Variants in LGR6 observed in about 807,000 individuals in gnomAD.
LGR6 encodes the protein leucine rich repeat containing G protein-coupled receptor 6, also known as leucine-rich repeat-containing G protein-coupled receptor 6.
A neutral mutation model predicts 69.4 loss-of-function variants in LGR6; 45 were observed. That is an observed-to-expected ratio of 0.65 (90% CI 0.51 to 0.83). The LOEUF is 0.83. Among genes scored for constraint, LGR6 ranks in the 40% least tolerant of loss-of-function variants. The probability of loss-of-function intolerance (pLI) is 0.00; values close to 1 mark genes in which losing one functional copy is unlikely to be tolerated. For synonymous variants in LGR6, 538 were observed against 555.0 expected, an observed-to-expected ratio of 0.97 and a Z score of 0.43; for missense variants, 1,108 against 1,246.7, an observed-to-expected ratio of 0.89 and a Z score of 1.68.
chr1:202,204,319 ACCT>A (rs199736739), intron 1 of LGR6, among the ~76,000 whole-genome samples: 27,124 of 103,144 alleles, frequency 0.26, 3,608 homozygotes, highest in East Asian at 0.36. Context: ...CCCAACACAC[ACCT>A]CCTCCTAACA....
chr1:202,238,106 T>G (rs1390530082), intron 4 of LGR6, among the ~76,000 whole-genome samples: 1 of 152,152 alleles, frequency 6.6e-6, no homozygotes, highest in Non-Finnish European at 1.5e-5. Flanking sequence ...GTTTTTGTTT[T>G]TGTTTTTTGA....
At chr1:202,273,194 T>C (rs1004957240) in intron 4 of LGR6, among the ~76,000 whole-genome samples, 9 of 152,196 alleles carry the variant, frequency 5.9e-5, no homozygotes, top group African/African-American at 2.2e-4. Context: ...TGGTATTGTA[T>C]ACCTGGCATA....
Position 202,268,637 on chromosome 1 carries a change from C to G in LGR6, c.429-7669C>G, listed in dbSNP as rs1664864185. Among the ~76,000 whole-genome samples, 1 of 152,132 alleles carries G rather than the reference C, an allele frequency of 6.6e-6. No individual in the cohort carries two copies. Among genetic ancestry groups the G allele is most frequent in the Admixed American group, 6.5e-5 (1 of 15,270 alleles). ...GGGGGGTTCAGAGATGAAAACCAGC[C>G]CTGGGGTCGGCCAGGAGCAAACAAT... On this transcript the variant is annotated intron_variant, in intron 4 of 17. Coordinates refer to ENST00000367278, the MANE Select transcript of LGR6 (RefSeq NM_001017403.2). The surrounding 1 kb of genome is among the most constrained non-coding windows in gnomAD (Gnocchi z 4.4).
At chr1:202,288,401 T>A (rs998787718) in intron 6 of LGR6, among the ~76,000 whole-genome samples, 12 of 152,230 alleles carry the variant, frequency 7.9e-5, no homozygotes, top group Non-Finnish European at 1.8e-4. Context: ...TTCACTTTTG[T>A]CTTTGCAGCA....
At chr1:202,282,587 G>T (rs1409196662) in intron 6 of LGR6, among the ~76,000 whole-genome samples, 1 of 152,214 alleles carries the variant, frequency 6.6e-6, no homozygotes, top group Non-Finnish European at 1.5e-5. Flanking sequence ...AGTTGCCATG[G>T]ATGAGCAGGG....
chr1:202,207,143 C>G (rs1195783545), intron 1 of LGR6, among the ~76,000 whole-genome samples: 1 of 152,296 alleles, frequency 6.6e-6, no homozygotes, highest in South Asian at 2.1e-4. Context: ...TCTCGAACTC[C>G]TGACCTCAGG....
Position 202,300,535 on chromosome 1 carries a change from G to A in LGR6, c.786-314G>A, listed in dbSNP as rs559972580. 1.2e-4 allele frequency among the ~76,000 whole-genome samples: 19 copies of A among 152,096 alleles called. No homozygotes were observed. The South Asian group carries it at 2.5e-3, about 20-fold the overall frequency. On this transcript the variant is annotated intron_variant, in intron 7 of 17. Coordinates refer to ENST00000367278, the MANE Select transcript of LGR6 (RefSeq NM_001017403.2). ...CGAGGTGCAGTGGCACATGCCTGTA[G>A]TCCCAGCTATGTAGGAGGCTGAGGC...
intron 4 of LGR6, among the ~76,000 whole-genome samples, chr1:202,238,845 C>A (rs1289585006): frequency 1.3e-5 from 2 of 151,980 alleles, no homozygotes; most frequent in African/African-American, 4.8e-5. Context: ...GAACAGCACA[C>A]GCTGCAAAGG....
At chr1:202,237,183 G>GC (rs923757526) in intron 4 of LGR6, among the ~76,000 whole-genome samples, 7 of 152,114 alleles carry the variant, frequency 4.6e-5, no homozygotes, top group East Asian at 1.9e-4. Flanking sequence ...CTCAGCTTCT[G>GC]CCCCCCCTTC....
chr1:202,193,949 C>G lies in LGR6; in HGVS notation c.-41C>G. The G allele has an allele frequency of 8.0e-7, 1 of 1,243,038 alleles. No homozygotes were observed. The highest frequency in any genetic ancestry group is 2.2e-5 in the South Asian group (1 of 45,330). The allele number at this position is 1,243,038 out of a possible 1,614,324, so 77.0% of individuals were successfully genotyped here. The stretch of plus-strand genomic sequence containing the variant: ...AGCTGCGGCCATCGCGCCGTGCGTC[C>G]GCGCCCGGCCGCCAGGTGCCCCAGT... On this transcript the variant is annotated 5_prime_UTR_variant, in exon 1 of 18. Coordinates refer to ENST00000367278, the MANE Select transcript of LGR6 (RefSeq NM_001017403.2).
chr1:202,247,587 G>A (rs1457833380), intron 4 of LGR6, among the ~76,000 whole-genome samples: 1 of 152,180 alleles, frequency 6.6e-6, no homozygotes, highest in East Asian at 1.9e-4. Flanking sequence ...CCCACTTGGA[G>A]GCAGTGAAAG....
At chr1:202,285,141 G>A (rs1666304066) in intron 6 of LGR6, among the ~76,000 whole-genome samples, 1 of 152,236 alleles carries the variant, frequency 6.6e-6, no homozygotes, top group African/African-American at 2.4e-5. Flanking sequence ...TCTGGTGATG[G>A]ATGCTCTGGT....
chr1:202,207,326 C>A (rs114246179), intron 1 of LGR6, among the ~76,000 whole-genome samples: 3 of 152,118 alleles, frequency 2.0e-5, no homozygotes, highest in Non-Finnish European at 4.4e-5. Context: ...GATGAGGCAG[C>A]CTTTGTCCAG....
intron 10 of LGR6, among the ~76,000 whole-genome samples, chr1:202,303,564 C>T (rs1014460322): frequency 6.6e-6 from 1 of 152,234 alleles, no homozygotes; most frequent in Non-Finnish European, 1.5e-5. Context: ...GCTGGTCTTT[C>T]TCTCTTTACC....
rs545520415 is a variant in LGR6, at chr1:202,231,960, C to T, written c.356+3953C>T. 1.3e-4 allele frequency among the ~76,000 whole-genome samples: 20 copies of T among 152,158 alleles called. No homozygotes were observed. In the South Asian group the frequency reaches 2.7e-3, roughly 21 times the overall value. ...ATACAAAATTAGCAGGGCGTGGTGG[C>T]GCACACCTGTAATCCCAGCTACTTA... On this transcript the variant is annotated intron_variant, in intron 3 of 17. Coordinates refer to ENST00000367278, the MANE Select transcript of LGR6 (RefSeq NM_001017403.2).
In LGR6 at chr1:202,307,375, C is replaced by G. The variant is rs1653326370; in HGVS notation, c.1254C>G (p.Phe418Leu). 6.2e-7 allele frequency: 1 copy of G among 1,613,982 alleles called. No individual in the cohort carries two copies. The highest frequency in any genetic ancestry group is 1.3e-5 in the African/African-American group (1 of 74,922). Reference protein sequence around the residue: ...NAIRSIHPEAFSTLHSLVKLD... With the variant: ...NAIRSIHPEALSTLHSLVKLD... ...TCCGGTCCATCCACCCCGAGGCCTT[C>G]TCCACCCTGCACTCCCTGGTCAAGC... The change falls in exon 14 of 18, where the codon TTC becomes TTG. Residue 418 changes from phenylalanine (F) to leucine (L), a missense_variant. Phe to Leu is a conservative substitution (Grantham distance 22). Coordinates refer to ENST00000367278, the MANE Select transcript of LGR6 (RefSeq NM_001017403.2).
At chr1:202,278,158 G>T (rs1025196075) in intron 5 of LGR6, among the ~76,000 whole-genome samples, 6 of 152,100 alleles carry the variant, frequency 3.9e-5, no homozygotes, top group African/African-American at 1.4e-4. Context: ...TTTGAAGGCT[G>T]GATTGGAACC....
intron 1 of LGR6, among the ~76,000 whole-genome samples, chr1:202,222,067 T>C (rs1430586620): frequency 3.3e-5 from 5 of 152,344 alleles, no homozygotes; most frequent in South Asian, 2.1e-4. Flanking sequence ...TTGCCAGGGC[T>C]CTTAGCCATT....
chr1:202,255,068 G>T (rs1422904949), intron 4 of LGR6, among the ~76,000 whole-genome samples: 1 of 152,212 alleles, frequency 6.6e-6, no homozygotes, highest in East Asian at 1.9e-4. Flanking sequence ...TCCTGTGCTT[G>T]TAGCACTGTC....
Sources: allele counts gnomAD v4.1 joint callset (sites outside exome capture counted in the v4.1 genomes callset), GRCh38; gene constraint gnomAD v4.1.1; non-coding constraint Gnocchi (gnomAD v3.1); transcripts MANE v1.5; gene names NCBI Gene and HGNC (gene_info 2026-07-23, HGNC 2026-07-21).